The following PPP1R12B variants were observed in gnomAD, a reference collection of about 807,000 sequenced individuals.
PPP1R12B encodes the protein protein phosphatase 1 regulatory subunit 12B, also known as myosin phosphatase target subunit 2.
A neutral mutation model predicts 126.1 loss-of-function variants in PPP1R12B; 76 were observed. The ratio of observed to expected loss-of-function variants is 0.60; its 90% CI spans 0.50 to 0.73. The LOEUF is 0.73. PPP1R12B is among the 30% of genes least tolerant of loss of function. The pLI is 0.00. For missense variants in PPP1R12B, 1,052 were observed against 1,205.1 expected (o/e 0.87, Z 1.88); for synonymous variants, 356 against 434.7 (o/e 0.82, Z 2.25).
At chr1:202,514,198 T>G (rs1217400941) in intron 18 of PPP1R12B, among the ~76,000 whole-genome samples, 1 of 152,194 alleles carries the variant, frequency 6.6e-6, no homozygotes, top group Non-Finnish European at 1.5e-5. Flanking sequence ...ATATTGAGCT[T>G]TTTTTCATAT....
intron 23 of PPP1R12B, among the ~76,000 whole-genome samples, chr1:202,569,965 A>G (rs1688439137): frequency 6.6e-6 from 1 of 152,110 alleles, no homozygotes; most frequent in African/African-American, 2.4e-5. Flanking sequence ...GGAGGGTGAA[A>G]GGGGCAAGAT....
intron 1 of PPP1R12B, among the ~76,000 whole-genome samples, chr1:202,405,022 A>G (rs1666400318): frequency 6.6e-6 from 1 of 152,256 alleles, no homozygotes; most frequent in Non-Finnish European, 1.5e-5. Flanking sequence ...GGTATAGTAC[A>G]GGCCTTAGTA....
chr1:202,420,682 T>C (rs940990477), intron 2 of PPP1R12B, among the ~76,000 whole-genome samples: 22 of 152,058 alleles, frequency 1.4e-4, no homozygotes, highest in African/African-American at 5.3e-4. Flanking sequence ...TATGTGGAAA[T>C]GAAGGGTAAT....
At chr1:202,550,052 A>T (rs1162305898) in intron 18 of PPP1R12B, among the ~76,000 whole-genome samples, 1 of 152,190 alleles carries the variant, frequency 6.6e-6, no homozygotes, top group Non-Finnish European at 1.5e-5. Flanking sequence ...ATTTGCTAGT[A>T]TATTGGTCAC....
intron 5 of PPP1R12B, among the ~76,000 whole-genome samples, chr1:202,427,499 G>T (rs1669688422): frequency 6.6e-6 from 1 of 152,124 alleles, no homozygotes; most frequent in African/African-American, 2.4e-5. Context: ...AGGTATGAAA[G>T]ATTTTATTGT....
chr1:202,443,012 A>G lies in PPP1R12B; in HGVS notation c.1667+440A>G, dbSNP rs551840141. On this transcript the variant is annotated intron_variant, in intron 12 of 23. Coordinates refer to ENST00000608999, the MANE Select transcript of PPP1R12B (RefSeq NM_002481.4). ...ATGGGGACAGTTTTCTATTGCATTA[A>G]AGAAGTTTCATACTGAAGCCTGTTA... 178 of 797,718 alleles carry G rather than the reference A, an allele frequency of 2.2e-4. No individual in the cohort carries two copies. The African/African-American group carries it at 2.7e-3, about 12-fold the overall frequency. 49.4% of individuals were successfully genotyped at this position (797,718 alleles called of 1,614,324 possible). A position where few individuals can be genotyped will look rare whatever the true frequency, so the allele number is the denominator to read the frequency against.
At chr1:202,506,490 G>C (rs2148884784) in intron 18 of PPP1R12B, among the ~76,000 whole-genome samples, 1 of 152,240 alleles carries the variant, frequency 6.6e-6, no homozygotes, top group South Asian at 2.1e-4. Flanking sequence ...AGTGAATTCT[G>C]CTTTAATCAT....
chr1:202,449,977 CTCCCGG>C (rs1345245697), intron 13 of PPP1R12B, among the ~76,000 whole-genome samples: 2 of 152,208 alleles, frequency 1.3e-5, no homozygotes, highest in Admixed American at 6.5e-5. Flanking sequence ...TGAGCCACCG[CTCCCGG>C]CTGTCGTTAT....
intron 12 of PPP1R12B, among the ~76,000 whole-genome samples, chr1:202,446,060 G>A (rs1327051083): frequency 6.6e-6 from 1 of 151,724 alleles, no homozygotes; most frequent in Admixed American, 6.6e-5. Flanking sequence ...AGCCAGGAGG[G>A]AAGGGTTTAT....
chr1:202,446,213 A>ACACTCTCT (rs751717974), intron 12 of PPP1R12B, among the ~76,000 whole-genome samples: 2 of 64,520 alleles, frequency 3.1e-5, no homozygotes, highest in African/African-American at 5.5e-5. Context: ...ATATTATATT[A>ACACTCTCT]CTCTCTCTCT....
At chr1:202,523,157 G>A (rs1011229950) in intron 18 of PPP1R12B, among the ~76,000 whole-genome samples, 2 of 152,176 alleles carry the variant, frequency 1.3e-5, no homozygotes, top group African/African-American at 4.8e-5. Flanking sequence ...TCCAATATTT[G>A]CCAGATATTG....
In PPP1R12B at chr1:202,448,879, G is replaced by A; in HGVS notation, c.1668-110G>A. 4 of 1,168,904 alleles carry A rather than the reference G, an allele frequency of 3.4e-6. No homozygotes were observed. In the South Asian group the frequency reaches 6.0e-5, roughly 18 times the overall value. The allele number at this position is 1,168,904 out of a possible 1,614,324, so 72.4% of individuals were successfully genotyped here. A position where few individuals can be genotyped will look rare whatever the true frequency, so the allele number is the denominator to read the frequency against. Reference sequence around the variant, plus strand: ...TAAGAAACCAACAAACAAAATCAGAGCGAGATTTCCTAGATGAACCACTCT... The same window carrying A: ...TAAGAAACCAACAAACAAAATCAGAACGAGATTTCCTAGATGAACCACTCT... On this transcript the variant is annotated intron_variant, in intron 12 of 23. Transcript: ENST00000608999.
chr1:202,397,865 T>C (rs956438250), intron 1 of PPP1R12B, among the ~76,000 whole-genome samples: 3 of 152,192 alleles, frequency 2.0e-5, no homozygotes, highest in African/African-American at 7.2e-5. Flanking sequence ...ATGGTAGTAG[T>C]AATAACAATG....
In PPP1R12B at chr1:202,564,565, GA is replaced by G; in HGVS notation, c.2757+24del. ...TGGCCCAGGTAAGACGGAAGAAGAAGAAAAAAGATGAGAACCAAGGGTTGAT... is the reference window on the plus strand; with the variant it reads ...TGGCCCAGGTAAGACGGAAGAAGAAGAAAAAGATGAGAACCAAGGGTTGAT... On this transcript the variant is annotated intron_variant, in intron 21 of 23. Coordinates refer to ENST00000608999, the MANE Select transcript of PPP1R12B (RefSeq NM_002481.4). 1.3e-6 allele frequency: 2 copies of G among 1,572,214 alleles called. No individual in the cohort carries two copies. The highest frequency in any genetic ancestry group is 1.1e-5 in the South Asian group (1 of 89,966).
intron 18 of PPP1R12B, among the ~76,000 whole-genome samples, chr1:202,557,575 G>A (rs1162133951): frequency 1.3e-5 from 2 of 152,136 alleles, no homozygotes; most frequent in Non-Finnish European, 1.5e-5. Context: ...ATGGGGGCAT[G>A]TCTCCATGTT....
chr1:202,378,080 C>G (rs528314123), intron 1 of PPP1R12B, among the ~76,000 whole-genome samples: 2 of 151,774 alleles, frequency 1.3e-5, no homozygotes, highest in Admixed American at 1.3e-4. Flanking sequence ...CCTCGTGATC[C>G]GCCCGCCTCA....
At chr1:202,465,357 G>A (rs1355160894) in intron 13 of PPP1R12B, among the ~76,000 whole-genome samples, 1 of 152,204 alleles carries the variant, frequency 6.6e-6, no homozygotes, top group East Asian at 1.9e-4. Flanking sequence ...AGAATCTCTT[G>A]ATATTTATTT....
intron 18 of PPP1R12B, among the ~76,000 whole-genome samples, chr1:202,551,970 A>G (rs1686374480): frequency 6.6e-6 from 1 of 152,228 alleles, no homozygotes; most frequent in African/African-American, 2.4e-5. Flanking sequence ...TCCTGATAAA[A>G]GCCAGCAGCA....
In PPP1R12B at chr1:202,569,130, T is replaced by C; in HGVS notation, c.2812-17T>C. ...CTGAATTCAATAATGTTCAACAGTC[T>C]CATTGTTCCGAAACAGGAGAGGCGA... On this transcript the variant is annotated splice_polypyrimidine_tract_variant and intron_variant, in intron 22 of 23. Coordinates refer to ENST00000608999, the MANE Select transcript of PPP1R12B (RefSeq NM_002481.4). 3 of 1,611,658 alleles carry C rather than the reference T, an allele frequency of 1.9e-6. No individual in the cohort carries two copies. The highest frequency in any genetic ancestry group is 1.7e-6 in the Non-Finnish European group (2 of 1,177,902).
Sources: allele counts gnomAD v4.1 joint callset (sites outside exome capture counted in the v4.1 genomes callset), GRCh38; gene constraint gnomAD v4.1.1; transcripts MANE v1.5; gene names NCBI Gene and HGNC (gene_info 2026-07-23, HGNC 2026-07-21).